Variants in XRCC4 observed in about 807,000 individuals in gnomAD.
XRCC4 encodes DNA repair protein XRCC4.
Under a neutral mutation model 39.1 loss-of-function variants are expected in XRCC4, and 28 were observed. That is an observed-to-expected ratio of 0.72 (90% CI 0.53 to 0.98). XRCC4 has a LOEUF of 0.98. Among genes scored for constraint, XRCC4 ranks in the 50% least tolerant of loss-of-function variants. The probability of loss-of-function intolerance (pLI) is 0.00; values close to 1 mark genes in which losing one functional copy is unlikely to be tolerated. For synonymous variants in XRCC4, 123 were observed against 126.4 expected, an observed-to-expected ratio of 0.97 and a Z score of 0.18; for missense variants, 350 against 376.4, an observed-to-expected ratio of 0.93 and a Z score of 0.58.
rs1306608447 is a variant in XRCC4 at position 83,203,711 on chromosome 5, T to C, written c.638+4T>C. On this transcript the variant is annotated splice_donor_region_variant and intron_variant, in intron 5 of 7. Transcript: ENST00000396027. ...AAAAGGACATCAAACAAGAAGGGTA[T>C]TTTCGCTATCTTGTTTTTGGATGAC... 6.2e-7 allele frequency: 1 copy of C among 1,607,738 alleles called. No homozygotes were observed. The highest frequency in any genetic ancestry group is 8.5e-7 in the Non-Finnish European group (1 of 1,177,744).
chr5:83,178,857 A>T (rs1367854674), intron 3 of XRCC4, among the ~76,000 whole-genome samples: 1 of 152,038 alleles, frequency 6.6e-6, no homozygotes, highest in Non-Finnish European at 1.5e-5. Context: ...CTCAATCGCT[A>T]TTTCTCAGTT....
the XRCC4 span, among the ~76,000 whole-genome samples, chr5:83,364,950 G>C: frequency 6.6e-6 from 1 of 152,172 alleles, no homozygotes; most frequent in South Asian, 2.1e-4. Flanking sequence ...TTTAGAAAGA[G>C]GTGAAGAGAA....
intron 6 of XRCC4, among the ~76,000 whole-genome samples, chr5:83,248,564 A>G (rs965651714): frequency 1.3e-5 from 2 of 152,188 alleles, no homozygotes; most frequent in African/African-American, 4.8e-5. Context: ...ACATTAAGAA[A>G]GCTTTGACCT....
chr5:83,083,227 C>G (rs962860417), intron 1 of XRCC4, among the ~76,000 whole-genome samples: 13 of 152,008 alleles, frequency 8.6e-5, no homozygotes, highest in South Asian at 8.3e-4. Context: ...TTGTGTTCCC[C>G]TATTAAAATG....
chr5:83,172,958 A>G (rs1329199384), intron 3 of XRCC4, among the ~76,000 whole-genome samples: 3 of 152,118 alleles, frequency 2.0e-5, no homozygotes, highest in African/African-American at 7.2e-5. Context: ...TCTACAAGAA[A>G]ATATTTGCAC....
In XRCC4 at chr5:83,353,477, A is replaced by G; in HGVS notation, c.*235A>G. The G allele has an allele frequency of 6.4e-6, 2 of 311,958 alleles. No individual in the cohort carries two copies. The highest frequency in any genetic ancestry group is 1.2e-5 in the Non-Finnish European group (2 of 171,470). 19.3% of individuals were successfully genotyped at this position (311,958 alleles called of 1,614,324 possible). A position where few individuals can be genotyped will look rare whatever the true frequency, so the allele number is the denominator to read the frequency against. Reference sequence around the variant, plus strand: ...ATTCATTCAGCATGCCTATAATTACATAAATTGTATGAGACTTTTTGTTGC... The same window carrying G: ...ATTCATTCAGCATGCCTATAATTACGTAAATTGTATGAGACTTTTTGTTGC... On this transcript the variant is annotated 3_prime_UTR_variant, in exon 8 of 8. Coordinates refer to ENST00000396027, the MANE Select transcript of XRCC4 (RefSeq NM_003401.5).
chr5:83,151,568 A>G (rs1475086635), intron 3 of XRCC4, among the ~76,000 whole-genome samples: 1 of 152,192 alleles, frequency 6.6e-6, no homozygotes, highest in Non-Finnish European at 1.5e-5. Flanking sequence ...AAGTGGTTTT[A>G]GTTTAGTTGA....
chr5:83,125,896 T>C (rs1012943490), intron 3 of XRCC4, among the ~76,000 whole-genome samples: 1 of 150,918 alleles, frequency 6.6e-6, no homozygotes, highest in African/African-American at 2.4e-5. Context: ...GACAGGAGAA[T>C]TGCTTCTACC....
intron 3 of XRCC4, among the ~76,000 whole-genome samples, chr5:83,126,995 A>G (rs1227226409): frequency 6.6e-6 from 1 of 152,080 alleles, no homozygotes; most frequent in Middle Eastern, 3.2e-3. Context: ...TGTGTTTTAG[A>G]GCGACAAAAC....
intron 3 of XRCC4, among the ~76,000 whole-genome samples, chr5:83,161,516 A>G (rs1181256204): frequency 6.6e-5 from 10 of 152,148 alleles, no homozygotes; most frequent in African/African-American, 2.2e-4. Flanking sequence ...AGATAAGTAA[A>G]ATAATACCTG....
intron 7 of XRCC4, among the ~76,000 whole-genome samples, chr5:83,325,273 T>A (rs1161904659): frequency 6.6e-6 from 1 of 152,142 alleles, no homozygotes; most frequent in Non-Finnish European, 1.5e-5. Context: ...TTATTCATAA[T>A]GGAATCTGTC....
At chr5:83,350,793 G>C (rs1218442109) in intron 7 of XRCC4, among the ~76,000 whole-genome samples, 1 of 152,014 alleles carries the variant, frequency 6.6e-6, no homozygotes, top group Non-Finnish European at 1.5e-5. Flanking sequence ...GTCAATTTTT[G>C]TTTTTGTTGC....
intron 6 of XRCC4, among the ~76,000 whole-genome samples, chr5:83,229,502 C>T (rs1261797259): frequency 6.6e-6 from 1 of 151,480 alleles, no homozygotes; most frequent in East Asian, 1.9e-4. Context: ...ATGCTATCCA[C>T]CCTGCTCTGA....
chr5:83,085,074 G>C (rs1457581386), intron 1 of XRCC4, among the ~76,000 whole-genome samples: 1 of 152,164 alleles, frequency 6.6e-6, no homozygotes, highest in Non-Finnish European at 1.5e-5. Flanking sequence ...CTACAGAAGT[G>C]ACTAAAATGT....
At position 83,178,458 on chromosome 5, in the gene XRCC4, A is replaced by C. The variant is rs116015408; in HGVS notation, c.316-17312A>C. 1.6e-3 allele frequency among the ~76,000 whole-genome samples: 250 copies of C among 152,282 alleles called. 1 individual carries two copies. Among genetic ancestry groups the C allele is most frequent in the African/African-American group, 5.8e-3 (239 of 41,560 alleles). On this transcript the variant is annotated intron_variant, in intron 3 of 7. Coordinates refer to ENST00000396027, the MANE Select transcript of XRCC4 (RefSeq NM_003401.5). ...GCCATCACAGGGCTGGCACCAAAAC[A>C]CTACTACAAAAAGGAGACTGATCAA...
At chr5:83,078,552 G>C (rs1017701803) in intron 1 of XRCC4, among the ~76,000 whole-genome samples, 3 of 152,170 alleles carry the variant, frequency 2.0e-5, no homozygotes, top group Non-Finnish European at 4.4e-5. Flanking sequence ...TTTGTATTTA[G>C]GGCAACACAA....
chr5:83,363,067 C>T, the XRCC4 span, among the ~76,000 whole-genome samples: 650 of 152,234 alleles, frequency 4.3e-3, 2 homozygotes, highest in Non-Finnish European at 6.3e-3. Context: ...AATCAAGATA[C>T]GTGGTAAGTG....
chr5:83,134,323 T>A (rs1747772118), intron 3 of XRCC4, among the ~76,000 whole-genome samples: 1 of 151,952 alleles, frequency 6.6e-6, no homozygotes, highest in South Asian at 2.1e-4. Flanking sequence ...GCTAAAGGAT[T>A]GTAAACACAC....
intron 7 of XRCC4, among the ~76,000 whole-genome samples, chr5:83,352,803 G>T (rs997695645): frequency 6.6e-6 from 1 of 152,148 alleles, no homozygotes; most frequent in Non-Finnish European, 1.5e-5. Flanking sequence ...ATCATTAAAG[G>T]AGTAACTTGA....
Sources: allele counts gnomAD v4.1 joint callset (sites outside exome capture counted in the v4.1 genomes callset), GRCh38; gene constraint gnomAD v4.1.1; transcripts MANE v1.5; gene names NCBI Gene and HGNC (gene_info 2026-07-23, HGNC 2026-07-21).